The following CSMD1 variants were observed in gnomAD, a reference collection of about 807,000 sequenced individuals.
CSMD1 encodes the protein CUB and Sushi multiple domains 1.
Under a neutral mutation model 417.5 loss-of-function variants are expected in CSMD1, and 213 were observed. The ratio of observed to expected loss-of-function variants is 0.51; its 90% confidence interval spans 0.46 to 0.57. CSMD1 has a LOEUF of 0.57. Ranked by LOEUF, CSMD1 falls within the 20% of genes least tolerant of loss-of-function variation. CSMD1 has a pLI of 0.00. For missense variants in CSMD1, 6,923 were observed against 4,529.7 expected (o/e 1.53, Z -15.17); for synonymous variants, 2,862 against 1,736.8 (o/e 1.65, Z -16.11).
Position 3,839,497 on chromosome 8 carries a change from AAT to A in CSMD1, c.819-85457_819-85456del, listed in dbSNP as rs911732876. On this transcript the variant is annotated intron_variant, in intron 5 of 69. Transcript: ENST00000635120. ...TAATTATATTATATATTTATATATT[AAT>A]ATATATATTTATATAGAATATAAAT... Among the ~76,000 whole-genome samples, 557 of 59,620 alleles carry A rather than the reference AAT, an allele frequency of 9.3e-3. 5 individuals carry two copies. Among genetic ancestry groups the A allele is most frequent in the Admixed American group, 0.014 (50 of 3,528 alleles). 39.1% of individuals were successfully genotyped at this position (59,620 alleles called of 152,430 possible). A position where few individuals can be genotyped will look rare whatever the true frequency, so the allele number is the denominator to read the frequency against.
chr8:4,945,652 G>C (rs1457303694), intron 1 of CSMD1, among the ~76,000 whole-genome samples: 1 of 152,196 alleles, frequency 6.6e-6, no homozygotes, highest in Non-Finnish European at 1.5e-5. Context: ...ATTTGAATTA[G>C]TTTTGGGAAA....
chr8:3,436,379 A>G (rs995277576), intron 12 of CSMD1, among the ~76,000 whole-genome samples: 15 of 152,270 alleles, frequency 9.9e-5, no homozygotes, highest in African/African-American at 3.6e-4. Flanking sequence ...TTTCACTGCA[A>G]AACTGTCTGA....
chr8:3,976,808 T>C (rs561211386), intron 5 of CSMD1, among the ~76,000 whole-genome samples: 1 of 152,298 alleles, frequency 6.6e-6, no homozygotes, highest in South Asian at 2.1e-4. Flanking sequence ...CGCATGCCTG[T>C]AGAATAGCAT....
intron 1 of CSMD1, among the ~76,000 whole-genome samples, chr8:4,717,015 A>G (rs1465777695): frequency 6.6e-6 from 1 of 152,084 alleles, no homozygotes; most frequent in Admixed American, 6.5e-5. Flanking sequence ...GTTGATGAGG[A>G]CACATTTTCT....
intron 3 of CSMD1, among the ~76,000 whole-genome samples, chr8:4,190,542 G>GTTT (rs202088366): frequency 1.0e-5 from 1 of 98,578 alleles, no homozygotes; most frequent in African/African-American, 3.7e-5. Flanking sequence ...ACACATATAA[G>GTTT]CTTTTTTTTT....
intron 26 of CSMD1, among the ~76,000 whole-genome samples, chr8:3,250,563 T>G (rs78561648): frequency 0.83 from 126,014 of 152,090 alleles, 52,941 homozygotes; most frequent in Non-Finnish European, 0.9. Flanking sequence ...TAGTCCTTTG[T>G]GTATATACCC....
intron 3 of CSMD1, among the ~76,000 whole-genome samples, chr8:4,120,545 G>C (rs1283789947): frequency 6.6e-6 from 1 of 152,116 alleles, no homozygotes; most frequent in African/African-American, 2.4e-5. Context: ...TGGCGATAAG[G>C]GATACCAAAA....
In CSMD1 at chr8:3,913,037, G is replaced by C. The variant is rs141386382; in HGVS notation, c.818+84866C>G. 5.3e-5 allele frequency among the ~76,000 whole-genome samples: 8 copies of C among 152,210 alleles called. 1 individual carries two copies. The East Asian group carries it at 1.2e-3, about 22-fold the overall frequency. ...AATGAGCTAAGGCGTGGAGAGAATC[G>C]TGACTTTAGCAGCAGGGCAACATGG... On this transcript the variant is annotated intron_variant, in intron 5 of 69. Transcript: ENST00000635120.
chr8:3,633,071 C>A (rs1648374226), intron 7 of CSMD1, among the ~76,000 whole-genome samples: 1 of 152,230 alleles, frequency 6.6e-6, no homozygotes, highest in African/African-American at 2.4e-5. Context: ...TGACTCCCAA[C>A]ACTAATTTAT....
chr8:4,476,429 T>C (rs941898348), intron 2 of CSMD1, among the ~76,000 whole-genome samples: 1 of 152,228 alleles, frequency 6.6e-6, no homozygotes, highest in African/African-American at 2.4e-5. Flanking sequence ...TTCTTTTAAA[T>C]GTAGTCATAT....
intron 42 of CSMD1, 116 bp downstream of exon 42, chr8:3,118,283 C>A (rs984914856): frequency 8.0e-6 from 6 of 752,376 alleles, no homozygotes; most frequent in Non-Finnish European, 1.3e-5. Flanking sequence ...ATAATAGATT[C>A]TCAACGAATA....
intron 1 of CSMD1, among the ~76,000 whole-genome samples, chr8:4,918,692 T>C (rs12375426): frequency 0.038 from 5,780 of 152,324 alleles, 123 homozygotes; most frequent in South Asian, 0.057. Flanking sequence ...AACTTATTAT[T>C]TGACTAATAC....
chr8:3,696,850 C>T (rs535270595), intron 7 of CSMD1, among the ~76,000 whole-genome samples: 11 of 152,192 alleles, frequency 7.2e-5, no homozygotes, highest in South Asian at 6.2e-4. Flanking sequence ...TTTAAATTCC[C>T]TTATTTCTAT....
At chr8:4,170,785 G>A (rs1014814268) in intron 3 of CSMD1, among the ~76,000 whole-genome samples, 1 of 151,660 alleles carries the variant, frequency 6.6e-6, no homozygotes, top group African/African-American at 2.4e-5. Context: ...ATTTCAAATG[G>A]TTCTGTTTGG....
chr8:4,469,372 A>G (rs1426452482), intron 2 of CSMD1, among the ~76,000 whole-genome samples: 4 of 152,180 alleles, frequency 2.6e-5, no homozygotes, highest in Non-Finnish European at 5.9e-5. Context: ...GAACCAAATC[A>G]AGGTGCAAAA....
At chr8:3,195,629 C>T (rs1257781512) in intron 33 of CSMD1, among the ~76,000 whole-genome samples, 2 of 152,140 alleles carry the variant, frequency 1.3e-5, no homozygotes, top group African/African-American at 2.4e-5. Context: ...AATGCAGGTC[C>T]TGCCAGTCCC....
chr8:3,279,475 A>C (rs1455778736), intron 26 of CSMD1, among the ~76,000 whole-genome samples: 1 of 152,190 alleles, frequency 6.6e-6, no homozygotes, highest in Non-Finnish European at 1.5e-5. Flanking sequence ...ATGCTTGCCA[A>C]GGTCCTTTAC....
rs1798651416 is a variant in CSMD1 at position 3,772,490 on chromosome 8, C to CATATATACACAT, written c.819-18449_819-18448insATGTGTATATAT. Among the ~76,000 whole-genome samples, 9 of 10,148 alleles carry CATATATACACAT rather than the reference C, an allele frequency of 8.9e-4. 1 individual carries two copies. The highest frequency in any genetic ancestry group is 2.0e-3 in the African/African-American group (9 of 4,470). The allele number at this position is 10,148 out of a possible 152,430, so 6.7% of individuals were successfully genotyped here. A position where few individuals can be genotyped will look rare whatever the true frequency, so the allele number is the denominator to read the frequency against. On this transcript the variant is annotated intron_variant, in intron 5 of 69. Transcript: ENST00000635120. ...ATACACATATATATACATATATACA[C>CATATATACACAT]ATATATACATATATACACATATATA... is the stretch of plus-strand genomic sequence containing the variant.
intron 29 of CSMD1, among the ~76,000 whole-genome samples, chr8:3,215,046 G>C (rs542160920): frequency 1.3e-5 from 2 of 152,142 alleles, no homozygotes; most frequent in East Asian, 3.9e-4. Flanking sequence ...AATTGACTCT[G>C]GAAAAATTGA....
Sources: gnomAD v4.1 joint callset for allele counts (sites outside exome capture counted in the v4.1 genomes callset) on GRCh38, gnomAD v4.1.1 for gene constraint, MANE v1.5 for transcripts, NCBI Gene and HGNC (gene_info 2026-07-23, HGNC 2026-07-21) for gene names.